Variants in FAM53A observed in about 807,000 individuals in gnomAD.
The protein encoded by FAM53A is family with sequence similarity 53 member A, also known as protein FAM53A.
Under a neutral mutation model 26.6 loss-of-function variants are expected in FAM53A, and 28 were observed. The ratio of observed to expected loss-of-function variants is 1.05; its 90% confidence interval spans 0.78 to 1.45. The LOEUF (loss-of-function observed/expected upper bound fraction) is 1.45. Ranked by LOEUF, FAM53A falls within the 40% of genes most tolerant of loss-of-function variation. The pLI, the probability that FAM53A is intolerant of heterozygous loss-of-function variation, is 0.00. For missense variants in FAM53A, 650 were observed against 575.8 expected (o/e 1.13, Z -1.32); for synonymous variants, 290 against 253.1 (o/e 1.15, Z -1.38).
At chr4:1,646,591 G>C (rs1712268314) in intron 4 of FAM53A, among the ~76,000 whole-genome samples, 1 of 152,156 alleles carries the variant, frequency 6.6e-6, no homozygotes, top group Admixed American at 6.5e-5. Context: ...CCCCCCCATG[G>C]AGGACAAGCC....
intron 1 of FAM53A, among the ~76,000 whole-genome samples, chr4:1,682,822 T>C (rs1035409169): frequency 3.9e-5 from 6 of 152,114 alleles, no homozygotes; most frequent in Non-Finnish European, 8.8e-5. Flanking sequence ...TGGCATTTTC[T>C]CTTATATACT....
the FAM53A span, among the ~76,000 whole-genome samples, chr4:1,577,726 G>A: frequency 6.6e-6 from 1 of 152,196 alleles, no homozygotes; most frequent in Non-Finnish European, 1.5e-5. Flanking sequence ...TTGTTAATTG[G>A]CCTATCTGAC....
Position 1,641,094 on chromosome 4 carries a change from G to A in FAM53A, c.*199C>T, listed in dbSNP as rs879183527. On this transcript the variant is annotated 3_prime_UTR_variant, in exon 5 of 5. Transcript: ENST00000308132. Reference sequence around the variant, plus strand: ...AGGTGCCGGCGGCAGCCGTGGCCCCGACCAGCTCACAGGAAACCTACTCTG... The same window carrying A: ...AGGTGCCGGCGGCAGCCGTGGCCCCAACCAGCTCACAGGAAACCTACTCTG... 2.0e-5 allele frequency: 12 copies of A among 586,268 alleles called. 1 individual carries two copies. Among genetic ancestry groups the A allele is most frequent in the South Asian group, 6.1e-5 (3 of 48,906 alleles). 36.3% of individuals were successfully genotyped at this position (586,268 alleles called of 1,614,324 possible). A position where few individuals can be genotyped will look rare whatever the true frequency, so the allele number is the denominator to read the frequency against.
At chr4:1,595,704 A>G in the FAM53A span, among the ~76,000 whole-genome samples, 1 of 152,378 alleles carries the variant, frequency 6.6e-6, no homozygotes, top group East Asian at 1.9e-4. Flanking sequence ...CACAGCTCCC[A>G]GGAGCCAGGC....
intron 1 of FAM53A, among the ~76,000 whole-genome samples, chr4:1,679,847 G>A (rs556287862): frequency 4.8e-4 from 72 of 149,172 alleles, no homozygotes; most frequent in African/African-American, 1.7e-3. Context: ...TCAGGAGTTC[G>A]AGACCAGCCT....
At chr4:1,610,946 C>T in the FAM53A span, among the ~76,000 whole-genome samples, 1 of 152,208 alleles carries the variant, frequency 6.6e-6, no homozygotes, top group African/African-American at 2.4e-5. Flanking sequence ...AGGCTGCCCA[C>T]ACTCTGAGCA....
the FAM53A span, among the ~76,000 whole-genome samples, chr4:1,606,829 C>T: frequency 6.6e-6 from 1 of 152,344 alleles, no homozygotes; most frequent in Admixed American, 6.5e-5. Flanking sequence ...GCTGTCCCAG[C>T]CCCTGCTTTC....
chr4:1,677,891 G>A (rs1715150482), intron 1 of FAM53A, among the ~76,000 whole-genome samples: 1 of 152,222 alleles, frequency 6.6e-6, no homozygotes, highest in African/African-American at 2.4e-5. Context: ...GTCGCAATGA[G>A]CTGAGATTGC....
At chr4:1,670,303 T>C (rs1381638465) in intron 1 of FAM53A, among the ~76,000 whole-genome samples, 1 of 152,238 alleles carries the variant, frequency 6.6e-6, no homozygotes, top group Non-Finnish European at 1.5e-5. Context: ...TGCACTTCCC[T>C]AGAGCCCAAA....
At chr4:1,631,900 C>T (rs962306765) in intron 1 of FAM53A, among the ~76,000 whole-genome samples, 5 of 152,160 alleles carry the variant, frequency 3.3e-5, no homozygotes, top group South Asian at 2.1e-4. Context: ...TGGTGGCTCA[C>T]GCCTGTAATC....
intron 4 of FAM53A, 59 bp from the exon 5 acceptor site, chr4:1,641,666 T>A: frequency 6.3e-7 from 1 of 1,575,796 alleles, no homozygotes; most frequent in African/African-American, 1.3e-5. Context: ...GGAGGCAGCA[T>A]CCCACCAACC....
chr4:1,599,226 G>A, the FAM53A span, among the ~76,000 whole-genome samples: 11 of 150,594 alleles, frequency 7.3e-5, 1 homozygote, highest in South Asian at 2.1e-3. This position sits in a 1 kb window ranked among gnomAD's most constrained non-coding sequence, Gnocchi z 6.1. Flanking sequence ...GTGCCGGAGC[G>A]CAGGGCCGTC....
At chr4:1,682,469 G>A (rs1241646833) in intron 1 of FAM53A, among the ~76,000 whole-genome samples, 1 of 151,868 alleles carries the variant, frequency 6.6e-6, no homozygotes, top group African/African-American at 2.4e-5. Context: ...CACCATGTTG[G>A]CCAGGATGGT....
At chr4:1,679,871 A>G (rs1715297024) in intron 1 of FAM53A, among the ~76,000 whole-genome samples, 1 of 151,652 alleles carries the variant, frequency 6.6e-6, no homozygotes, top group South Asian at 2.1e-4. Context: ...CCACACATCG[A>G]AACCCCATCT....
chr4:1,655,034 G>T lies in FAM53A; in HGVS notation c.826C>A (p.Arg276Ser). ...SGKRSRRKRR[R>S]EEDARWTRPS... ...CGTGTCCACCTGGCGTCCTCCTCAC[G>T]CCTCCGTTTGCGCCGGCTCCTCTTC... The change falls in exon 4 of 5, where the codon CGT becomes AGT. Residue 276 changes from arginine to serine, a missense_variant. Transcript: ENST00000308132. The T allele has an allele frequency of 6.3e-7, 1 of 1,577,356 alleles. No homozygotes were observed. Among genetic ancestry groups the T allele is most frequent in the Non-Finnish European group, 8.6e-7 (1 of 1,161,748 alleles).
In FAM53A at chr4:1,640,939, C is replaced by T; in HGVS notation, c.*354G>A. 2 of 449,202 alleles carry T rather than the reference C, an allele frequency of 4.5e-6. No individual in the cohort carries two copies. The highest frequency in any genetic ancestry group is 8.5e-6 in the Non-Finnish European group (2 of 236,452). 27.8% of individuals were successfully genotyped at this position (449,202 alleles called of 1,614,324 possible). ...GCTCACAGGAAACCTAGTCTGTGCC[C>T]CAGGGCAGTGCAGGCGGCAGCCGTG... On this transcript the variant is annotated 3_prime_UTR_variant, in exon 5 of 5. Coordinates refer to ENST00000308132, the MANE Select transcript of FAM53A (RefSeq NM_001174070.3).
chr4:1,607,016 GTTTT>G, the FAM53A span, among the ~76,000 whole-genome samples: 53 of 152,310 alleles, frequency 3.5e-4, 2 homozygotes, highest in Admixed American at 2.5e-3. Context: ...CACTTTCTGG[GTTTT>G]TTGTTTTCTT....
intron 1 of FAM53A, among the ~76,000 whole-genome samples, chr4:1,624,443 C>A (rs555425484): frequency 2.0e-5 from 3 of 152,128 alleles, no homozygotes; most frequent in African/African-American, 7.2e-5. Context: ...TGTGACAGTG[C>A]GGAGGCTGAC....
chr4:1,592,639 G>A, the FAM53A span, among the ~76,000 whole-genome samples: 1 of 152,160 alleles, frequency 6.6e-6, no homozygotes, highest in East Asian at 1.9e-4. Flanking sequence ...GCCCAGGGCC[G>A]TGACACTGGA....
Sources: allele counts gnomAD v4.1 joint callset (sites outside exome capture counted in the v4.1 genomes callset), GRCh38; gene constraint gnomAD v4.1.1; non-coding constraint Gnocchi (gnomAD v3.1); transcripts MANE v1.5; gene names NCBI Gene and HGNC (gene_info 2026-07-23, HGNC 2026-07-21).